DDHD1: variants seen among roughly 807,000 people sequenced by gnomAD.
The protein encoded by DDHD1 is DDHD domain containing 1.
DDHD1 carries 49 observed loss-of-function variants against 96.4 expected under a neutral mutation model. The observed-to-expected ratio is 0.51, with a 90% CI of 0.40 to 0.64. DDHD1 has a LOEUF of 0.64. Ranked by LOEUF, DDHD1 falls within the 30% of genes least tolerant of loss-of-function variation. The pLI is 0.00. For synonymous variants in DDHD1, 442 were observed against 446.5 expected (o/e 0.99, Z 0.13); for missense variants, 1,106 against 1,161.2 (o/e 0.95, Z 0.69).
intron 1 of DDHD1, among the ~76,000 whole-genome samples, chr14:53,149,478 A>G (rs1026642443): frequency 2.0e-5 from 3 of 152,242 alleles, no homozygotes; most frequent in Non-Finnish European, 4.4e-5. Flanking sequence ...AAGAACCCAT[A>G]CGGGGACTGG....
At position 53,042,603 on chromosome 14, in the gene DDHD1, T is replaced by C. The variant is rs1490406585; in HGVS notation, c.*4165A>G. ...ACTGAAGACTGAAAGAGAAAGCATA[T>C]AACCCAGGCTGTCACCAACTTAGCA... On this transcript the variant is annotated 3_prime_UTR_variant, in exon 13 of 13. Coordinates refer to ENST00000673822, the MANE Select transcript of DDHD1 (RefSeq NM_001160148.2). The C allele has an allele frequency of 1.3e-5, 2 of 152,212 alleles. No individual in the cohort carries two copies. Among genetic ancestry groups the C allele is most frequent in the African/African-American group, 4.8e-5 (2 of 41,460 alleles). 9.4% of individuals were successfully genotyped at this position (152,212 alleles called of 1,614,324 possible).
chr14:53,078,077 G>A (rs1248404471), intron 4 of DDHD1, among the ~76,000 whole-genome samples: 1 of 152,094 alleles, frequency 6.6e-6, no homozygotes, highest in Non-Finnish European at 1.5e-5. Flanking sequence ...CATGAATAAT[G>A]CTTCTATGAA....
At chr14:53,120,700 G>C (rs1004806320) in intron 1 of DDHD1, among the ~76,000 whole-genome samples, 1 of 152,166 alleles carries the variant, frequency 6.6e-6, no homozygotes, top group Admixed American at 6.5e-5. Context: ...AATGGGGAAA[G>C]TATTCCTTAT....
chr14:53,068,802 C>CG (rs1314289278), intron 6 of DDHD1, among the ~76,000 whole-genome samples: 59 of 152,240 alleles, frequency 3.9e-4, no homozygotes, highest in Admixed American at 2.9e-3. Context: ...TGGGGATATA[C>CG]TTTAAGACCA....
intron 4 of DDHD1, among the ~76,000 whole-genome samples, chr14:53,077,418 A>G (rs1400235486): frequency 6.6e-6 from 1 of 152,220 alleles, no homozygotes; most frequent in Non-Finnish European, 1.5e-5. Context: ...TAGTTTCTGC[A>G]TGAACTGAGG....
chr14:53,060,764 A>G (rs1054075422), intron 8 of DDHD1, among the ~76,000 whole-genome samples: 10 of 152,186 alleles, frequency 6.6e-5, no homozygotes, highest in Admixed American at 5.9e-4. Flanking sequence ...CTTAAACAGA[A>G]TAGCATCTCT....
chr14:53,091,806 C>T lies in DDHD1; in HGVS notation c.1268G>A (p.Arg423Lys), dbSNP rs1451246421. The T allele has an allele frequency of 6.2e-7, 1 of 1,612,426 alleles. No individual in the cohort carries two copies. Among genetic ancestry groups the T allele is most frequent in the Non-Finnish European group, 8.5e-7 (1 of 1,179,430 alleles). The change falls in exon 4 of 13, where the codon AGA becomes AAA. Residue 423 changes from arginine (R) to lysine (K), a missense_variant. Arg to Lys is a conservative substitution (Grantham distance 26). Around this residue, in one of 2 missense-constraint regions of DDHD1, gnomAD observed 650 missense variants for 758.8 expected, o/e 0.86. Transcript: ENST00000673822. ...TTACATAGCTGTATTTTTGATAATT[C>T]TTCCTTGGTCCATTTTCTGCCCAAT... ...HGIGQKMDQG[R>K]IIKNTAMMRE...
At chr14:53,055,975 A>C (rs1883021929) in intron 9 of DDHD1, 63 bp from the exon 10 acceptor site, 2 of 1,422,630 alleles carry the variant, frequency 1.4e-6, no homozygotes, top group Non-Finnish European at 1.9e-6. Flanking sequence ...GGATTTTAGT[A>C]AACTGTTCTT....
At chr14:53,086,082 G>A (rs924911825) in intron 4 of DDHD1, among the ~76,000 whole-genome samples, 1 of 152,118 alleles carries the variant, frequency 6.6e-6, no homozygotes, top group Non-Finnish European at 1.5e-5. Context: ...GAAATGAAGC[G>A]AAAAGAGAAG....
chr14:53,088,668 T>C (rs1301551938), intron 4 of DDHD1, among the ~76,000 whole-genome samples: 2 of 152,114 alleles, frequency 1.3e-5, no homozygotes, highest in African/African-American at 2.4e-5. Context: ...ATGGAACATA[T>C]CTCAAAATAA....
At chr14:53,141,050 G>A (rs1890607764) in intron 1 of DDHD1, among the ~76,000 whole-genome samples, 1 of 152,148 alleles carries the variant, frequency 6.6e-6, no homozygotes, top group South Asian at 2.1e-4. Context: ...TCTAAAAACA[G>A]AGCTTCAAAA....
rs556769282 is a variant in DDHD1 at position 53,067,559 on chromosome 14, G to A, written c.1504-4354C>T. Reference sequence around the variant, plus strand: ...TGCAAGCTCTGCCTCCTGGGTTCACGCCATTCTCCTGCCTCAGCCTCCCAA... The same window carrying A: ...TGCAAGCTCTGCCTCCTGGGTTCACACCATTCTCCTGCCTCAGCCTCCCAA... On this transcript the variant is annotated intron_variant, in intron 6 of 12. Transcript: ENST00000673822. 2.8e-3 allele frequency among the ~76,000 whole-genome samples: 430 copies of A among 151,832 alleles called. 3 individuals carry two copies. Among genetic ancestry groups the A allele is most frequent in the Middle Eastern group, 0.02 (6 of 294 alleles).
At chr14:53,112,674 T>A (rs146847456) in intron 1 of DDHD1, among the ~76,000 whole-genome samples, 1 of 152,332 alleles carries the variant, frequency 6.6e-6, no homozygotes, top group African/African-American at 2.4e-5. Context: ...AACATCTATG[T>A]CCTTATTGAC....
intron 1 of DDHD1, among the ~76,000 whole-genome samples, chr14:53,125,728 A>C (rs1316915295): frequency 4.0e-5 from 6 of 149,092 alleles, no homozygotes. Flanking sequence ...TTGAGATGGA[A>C]TCTCGCCCTG....
intron 4 of DDHD1, among the ~76,000 whole-genome samples, chr14:53,082,773 A>C (rs934337855): frequency 6.6e-6 from 1 of 151,780 alleles, no homozygotes; most frequent in South Asian, 2.1e-4. Context: ...AAAAAAAAAA[A>C]AAGACATGGG....
chr14:53,153,305 G>A lies in DDHD1; in HGVS notation c.-207C>T, dbSNP rs937138650. ...GTTCTGCCGCCGGCCCCATTGTCAC[G>A]CAGCCCGACGTAGGCGGTGCTTCGG... On this transcript the variant is annotated 5_prime_UTR_variant, in exon 1 of 13. Transcript: ENST00000673822. 2.7e-5 allele frequency: 11 copies of A among 406,376 alleles called. No individual in the cohort carries two copies. Among genetic ancestry groups the A allele is most frequent in the Admixed American group, 4.6e-5 (1 of 21,822 alleles). The allele number at this position is 406,376 out of a possible 1,614,324, so 25.2% of individuals were successfully genotyped here.
At chr14:53,125,407 G>T (rs4901344) in intron 1 of DDHD1, among the ~76,000 whole-genome samples, 111,387 of 152,124 alleles carry the variant, frequency 0.73, 43,598 homozygotes, top group East Asian at 0.98. Flanking sequence ...AGATATGGAA[G>T]AAAAACCTTG....
intron 2 of DDHD1, among the ~76,000 whole-genome samples, chr14:53,101,646 A>G (rs1031829024): frequency 6.6e-5 from 10 of 152,084 alleles, no homozygotes; most frequent in Non-Finnish European, 1.3e-4. Context: ...TAGAACTGAT[A>G]TATACACTCA....
intron 1 of DDHD1, among the ~76,000 whole-genome samples, chr14:53,115,276 G>A (rs533640619): frequency 6.6e-6 from 1 of 152,020 alleles, no homozygotes; most frequent in Admixed American, 6.5e-5. Context: ...GTGGTGGAGA[G>A]AATGAAGTCA....
Sources: gnomAD v4.1 joint callset for allele counts (sites outside exome capture counted in the v4.1 genomes callset) on GRCh38, gnomAD v4.1.1 for gene constraint, gnomAD v4.1.1 regional missense constraint, MANE v1.5 for transcripts, NCBI Gene and HGNC (gene_info 2026-07-23, HGNC 2026-07-21) for gene names.